PRICKLE1: variants seen among roughly 807,000 people sequenced by gnomAD.
PRICKLE1 encodes prickle-like protein 1.
PRICKLE1 carries 14 observed loss-of-function variants against 70.2 expected under a neutral mutation model. The ratio of observed to expected loss-of-function variants is 0.20; its 90% CI spans 0.13 to 0.31. The LOEUF (loss-of-function observed/expected upper bound fraction) is 0.31. Ranked by LOEUF, PRICKLE1 falls within the 10% of genes least tolerant of loss-of-function variation. PRICKLE1 has a pLI of 1.00. For synonymous variants in PRICKLE1, 357 were observed against 379.9 expected (o/e 0.94, Z 0.70); for missense variants, 821 against 1,026.2 (o/e 0.80, Z 2.73).
intron 1 of PRICKLE1, among the ~76,000 whole-genome samples, chr12:42,541,328 T>A (rs1207777118): frequency 6.6e-6 from 1 of 151,998 alleles, no homozygotes; most frequent in Non-Finnish European, 1.5e-5. Flanking sequence ...TCATGCCAAC[T>A]CTACTCTTCT....
Position 42,472,470 on chromosome 12 carries a change from C to T in PRICKLE1, c.47G>A (p.Cys16Tyr), listed in dbSNP as rs746768839. 50 of 1,614,076 alleles carry T rather than the reference C, an allele frequency of 3.1e-5. No individual in the cohort carries two copies. Among genetic ancestry groups the T allele is most frequent in the Non-Finnish European group, 3.8e-5 (45 of 1,180,032 alleles). The part of the protein sequence containing the change: ...EPKMSKLAFG[C>Y]QRSSTSDDDS... ...ATCATCTGATGTGGAACTTCTCTGA[C>T]AGCCAAAGGCCAGTTTGCTCATCTT... The change falls in exon 2 of 8, where the codon TGT (cysteine) becomes TAT (tyrosine). Residue 16 changes from cysteine to tyrosine, a missense_variant. Transcript: ENST00000345127.
chr12:42,577,553 C>T (rs889985630), intron 1 of PRICKLE1, among the ~76,000 whole-genome samples: 1 of 152,110 alleles, frequency 6.6e-6, no homozygotes, highest in African/African-American at 2.4e-5. Context: ...AATAACACTA[C>T]CAGCTCACAT....
intron 5 of PRICKLE1, 119 bp downstream of exon 5, chr12:42,468,507 A>T: frequency 1.1e-6 from 1 of 913,218 alleles, no homozygotes; most frequent in Non-Finnish European, 1.8e-6. Flanking sequence ...GATTATGTTT[A>T]AAACATGCAC....
At chr12:42,580,136 A>C (rs1940874928) in intron 1 of PRICKLE1, among the ~76,000 whole-genome samples, 1 of 152,060 alleles carries the variant, frequency 6.6e-6, no homozygotes, top group Non-Finnish European at 1.5e-5. Flanking sequence ...CGGCCTCCCA[A>C]AGTGCTGGGA....
intron 1 of PRICKLE1, among the ~76,000 whole-genome samples, chr12:42,578,788 G>A (rs900806993): frequency 6.8e-5 from 7 of 102,678 alleles, no homozygotes; most frequent in Non-Finnish European, 1.2e-4. Flanking sequence ...TTGAGACTGA[G>A]TTTCACTCTT....
intron 1 of PRICKLE1, among the ~76,000 whole-genome samples, chr12:42,534,066 T>G (rs1012804389): frequency 6.6e-6 from 1 of 152,186 alleles, no homozygotes; most frequent in African/African-American, 2.4e-5. Context: ...TCAAAACTCC[T>G]ACTTATTGTA....
chr12:42,579,178 C>T (rs1592044048), intron 1 of PRICKLE1, among the ~76,000 whole-genome samples: 1 of 152,276 alleles, frequency 6.6e-6, no homozygotes, highest in East Asian at 1.9e-4. Flanking sequence ...AAAAAAGGTA[C>T]AGCAGCTTAA....
chr12:42,498,772 G>A (rs1302287065), intron 1 of PRICKLE1, among the ~76,000 whole-genome samples: 2 of 152,166 alleles, frequency 1.3e-5, no homozygotes, highest in African/African-American at 4.8e-5. Flanking sequence ...TCAGGCTGTA[G>A]AACTGGTAGT....
intron 1 of PRICKLE1, among the ~76,000 whole-genome samples, chr12:42,508,324 C>T (rs1939454284): frequency 6.6e-6 from 1 of 152,162 alleles, no homozygotes; most frequent in South Asian, 2.1e-4. Context: ...ATATCCTATA[C>T]CATTACTTTA....
At chr12:42,513,881 C>G (rs1165889646) in intron 1 of PRICKLE1, among the ~76,000 whole-genome samples, 1 of 151,996 alleles carries the variant, frequency 6.6e-6, no homozygotes, top group Non-Finnish European at 1.5e-5. Context: ...CTTGTAATCC[C>G]AGCTACTTGG....
chr12:42,584,314 C>T (rs903697638), intron 1 of PRICKLE1: 1 of 152,128 alleles, frequency 6.6e-6, no homozygotes, highest in African/African-American at 2.4e-5. Flanking sequence ...ATTGCTATGT[C>T]CCTAAAGAGG....
intron 1 of PRICKLE1, among the ~76,000 whole-genome samples, chr12:42,497,196 G>A (rs1939216765): frequency 6.6e-6 from 1 of 152,138 alleles, no homozygotes; most frequent in Non-Finnish European, 1.5e-5. Flanking sequence ...GGAAAGCCAA[G>A]GAGGAGGAGA....
At chr12:42,492,500 G>T (rs1413435209) in intron 1 of PRICKLE1, among the ~76,000 whole-genome samples, 1 of 152,184 alleles carries the variant, frequency 6.6e-6, no homozygotes, top group African/African-American at 2.4e-5. Context: ...GCAGCCAGAA[G>T]CCTCCTGGAA....
chr12:42,560,344 G>T (rs1489038690), intron 1 of PRICKLE1, among the ~76,000 whole-genome samples: 1 of 151,816 alleles, frequency 6.6e-6, no homozygotes, highest in Admixed American at 6.6e-5. Flanking sequence ...ATATTGTTCA[G>T]GCTGGTCTCG....
At chr12:42,493,852 T>A in intron 1 of PRICKLE1, among the ~76,000 whole-genome samples, 2 of 136,734 alleles carry the variant, frequency 1.5e-5, no homozygotes, top group Non-Finnish European at 1.5e-5. Context: ...AGTAAGACCG[T>A]GTCTAAAAAA....
intron 1 of PRICKLE1, among the ~76,000 whole-genome samples, chr12:42,525,301 A>ATATC (rs769567680): frequency 6.4e-4 from 98 of 152,154 alleles, no homozygotes; most frequent in Non-Finnish European, 1.2e-3. Context: ...ATCCTTTGTG[A>ATATC]TATCCTTTAT....
At position 42,509,492 on chromosome 12, in the gene PRICKLE1, C is replaced by T. The variant is rs11829161; in HGVS notation, c.-48-36928G>A. The stretch of plus-strand genomic sequence containing the variant: ...ACTTCCCTGCCTTATTCTGCTCACC[C>T]TTTATTTTAGTTGTCTGTTTGATGT... On this transcript the variant is annotated intron_variant, in intron 1 of 7. Coordinates refer to ENST00000345127, the MANE Select transcript of PRICKLE1 (RefSeq NM_153026.3). 4.4e-3 allele frequency among the ~76,000 whole-genome samples: 677 copies of T among 152,254 alleles called. 8 individuals carry two copies. The highest frequency in any genetic ancestry group is 0.016 in the African/African-American group (649 of 41,552).
intron 1 of PRICKLE1, among the ~76,000 whole-genome samples, chr12:42,532,238 A>G (rs1276408604): frequency 6.6e-6 from 1 of 152,260 alleles, no homozygotes; most frequent in Non-Finnish European, 1.5e-5. Flanking sequence ...AATCCTAAGG[A>G]AACAATCAGA....
In PRICKLE1 at chr12:42,464,330, AT is replaced by A; in HGVS notation, c.1639+64del. The A allele has an allele frequency of 6.2e-7, 1 of 1,608,124 alleles. No homozygotes were observed. Among genetic ancestry groups the A allele is most frequent in the Non-Finnish European group, 8.5e-7 (1 of 1,175,422 alleles). ...GCCACTGCGCCTGGCTTGAATTGCA[AT>A]TTTTTGAATACACTTTTTAGTAGCT... On this transcript the variant is annotated intron_variant, in intron 7 of 7. Transcript: ENST00000345127. The surrounding 1 kb of genome is among the most constrained non-coding windows in gnomAD (Gnocchi z 4.2).
Sources: gnomAD v4.1 joint callset for allele counts (sites outside exome capture counted in the v4.1 genomes callset) on GRCh38, gnomAD v4.1.1 for gene constraint, Gnocchi (gnomAD v3.1) non-coding constraint, MANE v1.5 for transcripts, NCBI Gene and HGNC (gene_info 2026-07-23, HGNC 2026-07-21) for gene names.